SOCS7: variants seen among roughly 807,000 people sequenced by gnomAD.
SOCS7 encodes suppressor of cytokine signaling 7.
A neutral mutation model predicts 58.9 loss-of-function variants in SOCS7; 18 were observed. The ratio of observed to expected loss-of-function variants is 0.31; its 90% CI spans 0.21 to 0.45. The LOEUF (loss-of-function observed/expected upper bound fraction) is 0.45. Ranked by LOEUF, SOCS7 falls within the 20% of genes least tolerant of loss-of-function variation. The pLI is 1.00. For synonymous variants in SOCS7, 388 were observed against 364.3 expected (o/e 1.06, Z -0.74); for missense variants, 667 against 837.3 (o/e 0.80, Z 2.51).
intron 6 of SOCS7, among the ~76,000 whole-genome samples, chr17:38,376,565 C>T (rs1182906760): frequency 6.6e-6 from 1 of 152,002 alleles, no homozygotes; most frequent in Non-Finnish European, 1.5e-5. Context: ...AACCCTGTCT[C>T]TACTAAAAAT....
rs548834217 is a variant in SOCS7, at chr17:38,386,899, C to T, written c.1682-8410C>T. Among the ~76,000 whole-genome samples, 221 of 149,638 alleles carry T rather than the reference C, an allele frequency of 1.5e-3. 3 individuals are homozygous for T. Among genetic ancestry groups the T allele is most frequent in the Admixed American group, 0.013 (187 of 14,906 alleles). On this transcript the variant is annotated intron_variant, in intron 7 of 9. Coordinates refer to ENST00000612932, the MANE Select transcript of SOCS7 (RefSeq NM_014598.4). ...AGGAGATTGAGACCATCCTGGCTAA[C>T]ACGGTGAAACCCCGTCTCTACTAAA...
intron 7 of SOCS7, among the ~76,000 whole-genome samples, chr17:38,391,256 A>G (rs1002674225): frequency 6.6e-5 from 10 of 152,184 alleles, no homozygotes; most frequent in Admixed American, 6.5e-4. Context: ...AATAGTGCGC[A>G]AGGGAATATA....
intron 7 of SOCS7, among the ~76,000 whole-genome samples, chr17:38,378,264 G>A (rs969846807): frequency 5.3e-5 from 8 of 152,154 alleles, no homozygotes; most frequent in Non-Finnish European, 1.2e-4. Context: ...ATGGCTAGGC[G>A]TGGTGGCTCA....
intron 7 of SOCS7, among the ~76,000 whole-genome samples, chr17:38,392,154 G>A (rs2144397827): frequency 6.6e-6 from 1 of 152,204 alleles, no homozygotes; most frequent in South Asian, 2.1e-4. Flanking sequence ...ATTGTTTGTT[G>A]GCGTTTGTGG....
chr17:38,395,139 T>C (rs559431800), intron 7 of SOCS7, among the ~76,000 whole-genome samples, 170 bp from the exon 8 acceptor site: 1 of 152,268 alleles, frequency 6.6e-6, no homozygotes, highest in South Asian at 2.1e-4. Flanking sequence ...GTGGTGGTGG[T>C]GCTTCTGGAA....
intron 5 of SOCS7, among the ~76,000 whole-genome samples, chr17:38,367,370 G>T (rs1039192283): frequency 2.7e-5 from 4 of 149,224 alleles, no homozygotes; most frequent in Non-Finnish European, 5.9e-5. Flanking sequence ...CAGCCATTTT[G>T]TTTTTTGTTT....
At chr17:38,372,635 C>G (rs955146606) in intron 6 of SOCS7, among the ~76,000 whole-genome samples, 12 of 152,108 alleles carry the variant, frequency 7.9e-5, no homozygotes, top group Non-Finnish European at 1.3e-4. Flanking sequence ...TACAGTAAAC[C>G]TTGAGTAATA....
chr17:38,352,801 A>AGCAACC lies in SOCS7; in HGVS notation c.750_755dup (p.Gln251_Pro252dup), dbSNP rs2037574950. 1 of 1,553,384 alleles carries AGCAACC rather than the reference A, an allele frequency of 6.4e-7. No homozygotes were observed. The highest frequency in any genetic ancestry group is 8.7e-7 in the Non-Finnish European group (1 of 1,148,984). On this transcript the variant is annotated inframe_insertion, in exon 1 of 10. Coordinates refer to ENST00000612932, the MANE Select transcript of SOCS7 (RefSeq NM_014598.4). This position sits in a 1 kb window ranked among gnomAD's most constrained non-coding sequence, Gnocchi z 5.5. ...GGGGAGCAGCAGCAGCAGCAGCAGC[A>AGCAACC]GCAACCTCCCCCGCCCCCGCCTCCT...
chr17:38,385,962 T>G (rs897138031), intron 7 of SOCS7, among the ~76,000 whole-genome samples: 8 of 151,956 alleles, frequency 5.3e-5, no homozygotes, highest in Non-Finnish European at 1.2e-4. Flanking sequence ...GAGGATCGCT[T>G]ATACCCAGGA....
intron 1 of SOCS7, among the ~76,000 whole-genome samples, chr17:38,355,729 A>G (rs971724805): frequency 1.3e-5 from 2 of 152,130 alleles, no homozygotes; most frequent in Non-Finnish European, 2.9e-5. Flanking sequence ...GCTATTCCCA[A>G]CATCTGCCTT....
At chr17:38,363,055 A>G (rs2037741229) in intron 2 of SOCS7, among the ~76,000 whole-genome samples, 1 of 152,148 alleles carries the variant, frequency 6.6e-6, no homozygotes, top group Non-Finnish European at 1.5e-5. Context: ...CTGAGGTTGC[A>G]GTAAGCAGAG....
At chr17:38,376,784 G>A (rs1395166952) in intron 6 of SOCS7, among the ~76,000 whole-genome samples, 2 of 151,590 alleles carry the variant, frequency 1.3e-5, no homozygotes, top group Non-Finnish European at 2.9e-5. Context: ...GTTATTCAAA[G>A]ACCTGCTTAT....
At chr17:38,355,600 C>T (rs902168724) in intron 1 of SOCS7, among the ~76,000 whole-genome samples, 1 of 152,152 alleles carries the variant, frequency 6.6e-6, no homozygotes, top group African/African-American at 2.4e-5. Flanking sequence ...AAATTTCAGT[C>T]TTTTGCCAAA....
chr17:38,389,219 C>A (rs911719224), intron 7 of SOCS7, among the ~76,000 whole-genome samples: 2 of 152,194 alleles, frequency 1.3e-5, no homozygotes, highest in Middle Eastern at 3.2e-3. Flanking sequence ...TCTCTATTCA[C>A]AACCTTTGCT....
intron 7 of SOCS7, among the ~76,000 whole-genome samples, chr17:38,385,273 ATTG>A (rs1163520233): frequency 6.6e-6 from 1 of 151,538 alleles, no homozygotes; most frequent in Non-Finnish European, 1.5e-5. Flanking sequence ...TATTTAAAAT[ATTG>A]TTATGTTTGG....
chr17:38,369,674 C>CTT (rs11299884), intron 6 of SOCS7, among the ~76,000 whole-genome samples: 1,831 of 125,932 alleles, frequency 0.015, 58 homozygotes, highest in African/African-American at 0.05. Flanking sequence ...TCTCCGATTA[C>CTT]TTTTTTTTTT....
chr17:38,380,537 G>A (rs1382795498), intron 7 of SOCS7, among the ~76,000 whole-genome samples: 2 of 151,866 alleles, frequency 1.3e-5, no homozygotes, highest in Non-Finnish European at 2.9e-5. Flanking sequence ...GGCTGAGGCA[G>A]GAGAATCGCT....
rs1237927844 is a variant in SOCS7, at chr17:38,369,745, G to A, written c.1552+1695G>A. ...GGTTGGAGTACAGTGGCACGATCTC[G>A]GCTCATTGCAGCCTCCACCTCCTTG... On this transcript the variant is annotated intron_variant, in intron 6 of 9. Transcript: ENST00000612932. Among the ~76,000 whole-genome samples, 5 of 145,452 alleles carry A rather than the reference G, an allele frequency of 3.4e-5. No homozygotes were observed. The East Asian group carries it at 8.0e-4, about 23-fold the overall frequency.
chr17:38,390,662 TC>T (rs2038159571), intron 7 of SOCS7, among the ~76,000 whole-genome samples: 5 of 149,834 alleles, frequency 3.3e-5, no homozygotes, highest in African/African-American at 1.2e-4. Flanking sequence ...CTTCCTTCCT[TC>T]CTTCCTTCCT....
Sources: gnomAD v4.1 joint callset for allele counts (sites outside exome capture counted in the v4.1 genomes callset) on GRCh38, gnomAD v4.1.1 for gene constraint, Gnocchi (gnomAD v3.1) non-coding constraint, MANE v1.5 for transcripts, NCBI Gene and HGNC (gene_info 2026-07-23, HGNC 2026-07-21) for gene names.